The following MAGI2 variants were observed in gnomAD, a reference collection of about 807,000 sequenced individuals.
MAGI2 encodes membrane-associated guanylate kinase, WW and PDZ domain-containing protein 2.
In MAGI2, 35 loss-of-function variants were observed where a neutral mutation model predicts 133.3. That is an observed-to-expected ratio of 0.26 (90% CI 0.20 to 0.35). MAGI2 has a LOEUF of 0.35. MAGI2 is among the 10% of genes least tolerant of loss of function. The probability of loss-of-function intolerance (pLI) is 1.00; values close to 1 mark genes in which losing one functional copy is unlikely to be tolerated. For synonymous variants in MAGI2, 729 were observed against 710.6 expected (o/e 1.03, Z -0.41); for missense variants, 1,636 against 1,863.4 (o/e 0.88, Z 2.25).
In MAGI2 at chr7:79,074,520, TGAG is replaced by T. The variant is rs1264307502; in HGVS notation, c.302-67317_302-67315del. On this transcript the variant is annotated intron_variant, in intron 1 of 21. Transcript: ENST00000354212. ...CTCTGCTTTCTATTCATTTGTAAGATGAGGAGAAATGTAATAAAATACTCAAGT... is the reference window on the plus strand; with the variant it reads ...CTCTGCTTTCTATTCATTTGTAAGATGAGAAATGTAATAAAATACTCAAGT... 4.6e-5 allele frequency among the ~76,000 whole-genome samples: 7 copies of T among 152,290 alleles called. No homozygotes were observed. In the East Asian group the frequency reaches 1.2e-3, roughly 25 times the overall value.
chr7:78,879,584 A>T (rs1282930065), intron 2 of MAGI2, among the ~76,000 whole-genome samples: 1 of 152,160 alleles, frequency 6.6e-6, no homozygotes, highest in Non-Finnish European at 1.5e-5. Flanking sequence ...AAAGTAAAAA[A>T]TCCTAACCAC....
At chr7:79,082,452 C>G (rs1047790042) in intron 1 of MAGI2, among the ~76,000 whole-genome samples, 1 of 151,968 alleles carries the variant, frequency 6.6e-6, no homozygotes, top group Non-Finnish European at 1.5e-5. Context: ...ACACAGTTGT[C>G]CCAGAACCAC....
At chr7:78,549,990 G>A (rs1799198014) in intron 3 of MAGI2, among the ~76,000 whole-genome samples, 1 of 152,160 alleles carries the variant, frequency 6.6e-6, no homozygotes, top group African/African-American at 2.4e-5. Context: ...TTTTCAGGGT[G>A]AAGCCCACGT....
rs1229670183 is a variant in MAGI2 at position 79,441,310 on chromosome 7, TGAAAAGA to T, written c.301+11703_301+11709del. On this transcript the variant is annotated intron_variant, in intron 1 of 21. Coordinates refer to ENST00000354212, the MANE Select transcript of MAGI2 (RefSeq NM_012301.4). ...ACTTTGTGGTTTTCTAAGTTCTATC[TGAAAAGA>T]TATTCAACTGAAGCAAAGCATCTCC... Among the ~76,000 whole-genome samples, 149 of 152,308 alleles carry T rather than the reference TGAAAAGA, an allele frequency of 9.8e-4. 1 individual carries two copies. The South Asian group carries it at 0.02, about 20-fold the overall frequency.
At chr7:78,241,457 C>T (rs1424297766) in intron 10 of MAGI2, among the ~76,000 whole-genome samples, 3 of 152,084 alleles carry the variant, frequency 2.0e-5, no homozygotes, top group Non-Finnish European at 2.9e-5. Context: ...TTGATATTTA[C>T]TCAGATTTCT....
At chr7:79,240,701 C>T (rs959906740) in intron 1 of MAGI2, among the ~76,000 whole-genome samples, 4 of 152,190 alleles carry the variant, frequency 2.6e-5, no homozygotes, top group Admixed American at 1.3e-4. Context: ...CTGTATTGAG[C>T]AGCTTTGCAT....
At chr7:79,324,919 A>T (rs1326116084) in intron 1 of MAGI2, among the ~76,000 whole-genome samples, 3 of 151,472 alleles carry the variant, frequency 2.0e-5, no homozygotes, top group Non-Finnish European at 4.4e-5. Context: ...AGGATAACTT[A>T]TATAAAATAG....
chr7:78,778,040 T>C (rs939128594), intron 2 of MAGI2, among the ~76,000 whole-genome samples: 2 of 152,228 alleles, frequency 1.3e-5, no homozygotes, highest in African/African-American at 4.8e-5. Flanking sequence ...AGCTGCTCTT[T>C]ATGGATTTGC....
At position 78,799,689 on chromosome 7, in the gene MAGI2, C is replaced by T. The variant is rs144211007; in HGVS notation, c.419-172450G>A. Among the ~76,000 whole-genome samples the T allele has an allele frequency of 3.7e-3, 562 of 152,214 alleles. 2 individuals carry two copies. The highest frequency in any genetic ancestry group is 0.017 in the Middle Eastern group (5 of 294). ...TTTGCTTTTGTTCTTCCTTCAAATT[C>T]AGTTTTAAAGTAGTAAGTCTTAATT... On this transcript the variant is annotated intron_variant, in intron 2 of 21. Transcript: ENST00000354212.
intron 2 of MAGI2, among the ~76,000 whole-genome samples, chr7:78,793,943 T>C (rs919832437): frequency 2.0e-5 from 3 of 152,198 alleles, no homozygotes; most frequent in Non-Finnish European, 4.4e-5. Flanking sequence ...TTAAACAAAA[T>C]ATGCTGTATC....
chr7:78,067,309 C>T (rs1813937085), intron 21 of MAGI2, among the ~76,000 whole-genome samples: 1 of 152,022 alleles, frequency 6.6e-6, no homozygotes, highest in Admixed American at 6.6e-5. Flanking sequence ...GACCTCATGC[C>T]CAGAAGGTCA....
chr7:79,036,223 A>C (rs1811114521), intron 1 of MAGI2, among the ~76,000 whole-genome samples: 1 of 152,248 alleles, frequency 6.6e-6, no homozygotes, highest in Admixed American at 6.5e-5. Context: ...TCTAAAAAAC[A>C]TTAAAAGGTA....
chr7:79,420,452 ATTC>A (rs1288987978), intron 1 of MAGI2, among the ~76,000 whole-genome samples: 1 of 151,934 alleles, frequency 6.6e-6, no homozygotes, highest in Non-Finnish European at 1.5e-5. Flanking sequence ...AACCATACTA[ATTC>A]TTAAGTGTAT....
intron 2 of MAGI2, among the ~76,000 whole-genome samples, chr7:78,691,571 A>G (rs1338156913): frequency 2.2e-4 from 33 of 152,176 alleles, no homozygotes; most frequent in Non-Finnish European, 1.5e-4. Context: ...GGTGTATGAT[A>G]TTGTATAAAA....
At chr7:78,738,537 T>C (rs917488749) in intron 2 of MAGI2, among the ~76,000 whole-genome samples, 1 of 152,180 alleles carries the variant, frequency 6.6e-6, no homozygotes, top group Non-Finnish European at 1.5e-5. Flanking sequence ...CATTAGTCTT[T>C]CCTGCCACAA....
At chr7:78,900,993 A>G (rs1487205812) in intron 2 of MAGI2, among the ~76,000 whole-genome samples, 1 of 152,162 alleles carries the variant, frequency 6.6e-6, no homozygotes, top group East Asian at 1.9e-4. Context: ...GGCGAACCTA[A>G]AGCCAAGCAG....
At chr7:78,306,220 A>G (rs943911120) in intron 9 of MAGI2, among the ~76,000 whole-genome samples, 2 of 152,134 alleles carry the variant, frequency 1.3e-5, no homozygotes, top group Non-Finnish European at 2.9e-5. Context: ...GGACGAGCTA[A>G]TCTAAGTTGG....
chr7:78,440,812 G>A (rs931276325), intron 6 of MAGI2, among the ~76,000 whole-genome samples: 7 of 151,990 alleles, frequency 4.6e-5, no homozygotes, highest in African/African-American at 1.2e-4. Flanking sequence ...AATTAGCCAG[G>A]CGTGGTAGTG....
intron 1 of MAGI2, among the ~76,000 whole-genome samples, chr7:79,188,652 T>C (rs1827381740): frequency 6.6e-6 from 1 of 151,870 alleles, no homozygotes; most frequent in African/African-American, 2.4e-5. Flanking sequence ...ATCACTGAGG[T>C]CACTTTCAAA....
Sources: allele counts gnomAD v4.1 joint callset (sites outside exome capture counted in the v4.1 genomes callset), GRCh38; gene constraint gnomAD v4.1.1; transcripts MANE v1.5; gene names NCBI Gene and HGNC (gene_info 2026-07-23, HGNC 2026-07-21).